DDX20: variants seen among roughly 807,000 people sequenced by gnomAD.
DDX20 encodes DEAD-box helicase 20, also known as probable ATP-dependent RNA helicase DDX20.
Under a neutral mutation model 76.4 loss-of-function variants are expected in DDX20, and 61 were observed. That is an observed-to-expected ratio of 0.80 (90% CI 0.65 to 0.99). The LOEUF (loss-of-function observed/expected upper bound fraction) is 0.99. Among genes scored for constraint, DDX20 ranks in the 50% least tolerant of loss-of-function variants. The pLI, the probability that DDX20 is intolerant of heterozygous loss-of-function variation, is 0.00. For missense variants in DDX20, 976 were observed against 996.8 expected (o/e 0.98, Z 0.28); for synonymous variants, 357 against 357.4 (o/e 1.00, Z 0.01).
chr1:111,760,131 T>C (rs1212116663), intron 3 of DDX20, among the ~76,000 whole-genome samples: 4 of 152,204 alleles, frequency 2.6e-5, no homozygotes, highest in Non-Finnish European at 5.9e-5. Flanking sequence ...GCAGTGACTT[T>C]CAGGAGGCCC....
In DDX20 at chr1:111,756,686, T is replaced by C. The variant is rs1438288121; in HGVS notation, c.342T>C (p.Cys114=). 2 of 1,614,092 alleles carry C rather than the reference T, an allele frequency of 1.2e-6. No individual in the cohort carries two copies. Among genetic ancestry groups the C allele is most frequent in the African/African-American group, 2.7e-5 (2 of 74,946 alleles). ...CTAAATCTGGCACCGGGAAAACCTG[T>C]GTGTTCTCCACCATAGCTTTGGACT... ...VQAKSGTGKT[C]VFSTIALDSL... is the part of the protein sequence containing the mutation. Residue 114 remains cysteine, a synonymous_variant, in exon 2 of 11, where the codon TGT becomes TGC. Transcript: ENST00000369702.
rs572288975 is a variant in DDX20, at chr1:111,766,278, C to T, written c.1854C>T (p.Gly618=). The change falls in exon 11 of 11, where the codon GGC becomes GGT. Residue 618 remains glycine (G), a synonymous_variant. Transcript: ENST00000369702. Reference sequence around the variant, plus strand: ...TGGAAATCATCAGGCACTACACAGGCCCTGGGGATCAGACTGTGAATCCTC... The same window carrying T: ...TGGAAATCATCAGGCACTACACAGGTCCTGGGGATCAGACTGTGAATCCTC... The part of the protein sequence containing the change: ...KPVEIIRHYT[G]PGDQTVNPQN... 13 of 1,614,112 alleles carry T rather than the reference C, an allele frequency of 8.1e-6. No individual in the cohort carries two copies. The highest frequency in any genetic ancestry group is 6.7e-5 in the African/African-American group (5 of 75,034).
rs1181481177 is a variant in DDX20, at chr1:111,761,278, A to G, written c.1015A>G (p.Ile339Val). 6.2e-7 allele frequency: 1 copy of G among 1,612,778 alleles called. No homozygotes were observed. Among genetic ancestry groups the G allele is most frequent in the Non-Finnish European group, 8.5e-7 (1 of 1,179,294 alleles). Residue 339 changes from isoleucine (I) to valine (V), a missense_variant, in exon 7 of 11, where the codon ATT becomes GTT. Physicochemically the swap from Ile to Val is conservative, Grantham distance 29. Around this residue, in one of 3 missense-constraint regions of DDX20, gnomAD observed 630 missense variants for 693.7 expected, o/e 0.91. Coordinates refer to ENST00000369702, the MANE Select transcript of DDX20 (RefSeq NM_007204.5). ...TTCTAAAGGCTTTCCTGCTGAGTGC[A>G]TTTCAGGTAAGTTCATCTCTTACTT... ...LSSKGFPAECISGNMNQNQRL... is the reference protein window; with the variant it reads ...LSSKGFPAECVSGNMNQNQRL...
chr1:111,762,819 A>G lies in DDX20; in HGVS notation c.1210+37A>G, dbSNP rs1188587337. ...AAAAAAAGTTTGAGTGCTTTCTTTAAGGGGAGGGATCTATAATGTGACAGG... is the reference window on the plus strand; with the variant it reads ...AAAAAAAGTTTGAGTGCTTTCTTTAGGGGGAGGGATCTATAATGTGACAGG... On this transcript the variant is annotated intron_variant, in intron 9 of 10. Transcript: ENST00000369702. The G allele has an allele frequency of 3.8e-6, 6 of 1,586,002 alleles. No individual in the cohort carries two copies. The Admixed American group carries it at 1.0e-4, about 27-fold the overall frequency.
intron 2 of DDX20, among the ~76,000 whole-genome samples, chr1:111,758,709 C>T (rs1663614103): frequency 6.6e-6 from 1 of 152,100 alleles, no homozygotes; most frequent in African/African-American, 2.4e-5. Context: ...GTTTCATGAT[C>T]ACCTCATTTA....
chr1:111,766,946 C>A lies in DDX20; in HGVS notation c.*47C>A. On this transcript the variant is annotated 3_prime_UTR_variant, in exon 11 of 11. Coordinates refer to ENST00000369702, the MANE Select transcript of DDX20 (RefSeq NM_007204.5). ...ATCAGGAACTGTCAACAAATGATACCTTTGGATATCCATCCTCCTCGACTT... is the reference window on the plus strand; with the variant it reads ...ATCAGGAACTGTCAACAAATGATACATTTGGATATCCATCCTCCTCGACTT... The A allele has an allele frequency of 7.0e-7, 1 of 1,435,342 alleles. No individual in the cohort carries two copies. Among genetic ancestry groups the A allele is most frequent in the South Asian group, 1.2e-5 (1 of 81,526 alleles). The allele number at this position is 1,435,342 out of a possible 1,614,324, so 88.9% of individuals were successfully genotyped here. A position where few individuals can be genotyped will look rare whatever the true frequency, so the allele number is the denominator to read the frequency against.
Position 111,756,046 on chromosome 1 carries a change from G to A in DDX20, c.122G>A (p.Arg41Gln). 1 of 1,609,330 alleles carries A rather than the reference G, an allele frequency of 6.2e-7. No individual in the cohort carries two copies. The highest frequency in any genetic ancestry group is 8.5e-7 in the Non-Finnish European group (1 of 1,179,010). The change falls in exon 1 of 11, where the codon CGG becomes CAG. Residue 41 changes from arginine (R) to glutamine (Q), a missense_variant. Physicochemically the swap from Arg to Gln is conservative, Grantham distance 43 (BLOSUM62 1). Coordinates refer to ENST00000369702, the MANE Select transcript of DDX20 (RefSeq NM_007204.5). ...ACACCCGGGCCTGTGAGGATCCTGC[G>A]GACCGCTCAGGATCTCAGCAGCCCG... ...EPTPGPVRILRTAQDLSSPRT... is the reference protein window; with the variant it reads ...EPTPGPVRILQTAQDLSSPRT...
intron 2 of DDX20, among the ~76,000 whole-genome samples, chr1:111,758,462 C>T (rs1198822841): frequency 3.3e-5 from 5 of 149,820 alleles, no homozygotes; most frequent in Non-Finnish European, 7.4e-5. Context: ...TACCATGACT[C>T]TCAAGGTCTT....
In DDX20 at chr1:111,765,869, C is replaced by A; in HGVS notation, c.1445C>A (p.Thr482Asn). The change falls in exon 11 of 11, where the codon ACC becomes AAC. Residue 482 changes from threonine to asparagine, a missense_variant. By Grantham distance (65) the Thr-to-Asn change is moderately conservative. This residue lies in a region of DDX20 where 630 missense variants were observed against 693.7 expected (regional missense o/e 0.91). Coordinates refer to ENST00000369702, the MANE Select transcript of DDX20 (RefSeq NM_007204.5). ...AAGCAAATTCAGAAAATAGAGAGAA[C>A]CCTTCAAATTCAGAAAGCTCATGGT... is the stretch of plus-strand genomic sequence containing the variant. Reference protein sequence around the residue: ...LKKQIQKIERTLQIQKAHGDH... With the variant: ...LKKQIQKIERNLQIQKAHGDH... 6.2e-7 allele frequency: 1 copy of A among 1,614,092 alleles called. No individual in the cohort carries two copies. Among genetic ancestry groups the A allele is most frequent in the Non-Finnish European group, 8.5e-7 (1 of 1,180,016 alleles).
intron 3 of DDX20, among the ~76,000 whole-genome samples, chr1:111,760,132 C>A (rs1254207560): frequency 2.0e-5 from 3 of 152,276 alleles, no homozygotes; most frequent in Non-Finnish European, 2.9e-5. Context: ...CAGTGACTTT[C>A]AGGAGGCCCT....
rs780089132 is a variant in DDX20, at chr1:111,761,322, C to G, written c.1021+38C>G. 3.2e-6 allele frequency: 5 copies of G among 1,572,204 alleles called. No individual in the cohort carries two copies. In the Admixed American group the frequency reaches 5.2e-5, roughly 16 times the overall value. ...CTTACTTTAATCTTTATTTAGTATA[C>G]TGACTTGAAGCCTCCAAAGTCAGGA... On this transcript the variant is annotated intron_variant, in intron 7 of 10. Transcript: ENST00000369702.
Position 111,760,815 on chromosome 1 carries a change from G to A in DDX20, c.790G>A (p.Val264Ile). The A allele has an allele frequency of 1.9e-6, 3 of 1,613,352 alleles. No homozygotes were observed. Among genetic ancestry groups the A allele is most frequent in the Non-Finnish European group, 2.5e-6 (3 of 1,179,810 alleles). The change falls in exon 5 of 11, where the codon GTA becomes ATA. Residue 264 changes from valine to isoleucine, a missense_variant. By Grantham distance (29) the Val-to-Ile change is conservative (BLOSUM62 3). Transcript: ENST00000369702. ...AAAGTACATGAGAGATCCCACTTTTGTAAGACTGAATTCCAGTGATCCAAG... is the reference window on the plus strand; with the variant it reads ...AAAGTACATGAGAGATCCCACTTTTATAAGACTGAATTCCAGTGATCCAAG... ...LTKYMRDPTF[V>I]RLNSSDPSLI...
chr1:111,757,317 C>T (rs1018999946), intron 2 of DDX20, among the ~76,000 whole-genome samples: 2 of 152,182 alleles, frequency 1.3e-5, no homozygotes, highest in Admixed American at 1.3e-4. Context: ...TCCCAAAGTA[C>T]TGGGATTACA....
chr1:111,761,255 C>G lies in DDX20; in HGVS notation c.992C>G (p.Ser331Cys), dbSNP rs763002043. The G allele has an allele frequency of 1.2e-6, 2 of 1,613,354 alleles. No individual in the cohort carries two copies. Among genetic ancestry groups the G allele is most frequent in the South Asian group, 2.2e-5 (2 of 90,974 alleles). ...CAACATTTGGCTGATATCCTTTCTT[C>G]TAAAGGCTTTCCTGCTGAGTGCATT... Reference protein sequence around the residue: ...RAQHLADILSSKGFPAECISG... With the variant: ...RAQHLADILSCKGFPAECISG... The change falls in exon 7 of 11, where the codon TCT becomes TGT. Residue 331 changes from serine to cysteine, a missense_variant. By Grantham distance (112) the Ser-to-Cys change is moderately radical. Coordinates refer to ENST00000369702, the MANE Select transcript of DDX20 (RefSeq NM_007204.5).
Position 111,756,731 on chromosome 1 carries a change from A to C in DDX20, c.387A>C (p.Leu129Phe), listed in dbSNP as rs1360255567. 6.2e-7 allele frequency: 1 copy of C among 1,613,826 alleles called. No individual in the cohort carries two copies. The highest frequency in any genetic ancestry group is 8.5e-7 in the Non-Finnish European group (1 of 1,179,836). ...IALDSLVLENLSTQILILAPT... is the reference protein window; with the variant it reads ...IALDSLVLENFSTQILILAPT... ...TGGACTCTCTTGTTCTTGAAAACTT[A>C]AGTACCCAGGTGAGTTAGCTGAGAG... is the stretch of plus-strand genomic sequence containing the variant. Residue 129 changes from leucine (L) to phenylalanine (F), a missense_variant, in exon 2 of 11, where the codon TTA becomes TTC. This residue lies in a region of DDX20 where 343 missense variants were observed against 286.4 expected (regional missense o/e 1.20). Coordinates refer to ENST00000369702, the MANE Select transcript of DDX20 (RefSeq NM_007204.5).
chr1:111,756,097 TGGC>T lies in DDX20; in HGVS notation c.176_178del (p.Ala59del). 1.6e-5 allele frequency: 26 copies of T among 1,601,732 alleles called. No homozygotes were observed. Among genetic ancestry groups the T allele is most frequent in the Non-Finnish European group, 2.2e-5 (26 of 1,178,954 alleles). On this transcript the variant is annotated inframe_deletion, in exon 1 of 11. Transcript: ENST00000369702. ...CGGACCCGCACGGGGGATGTGCTGT[TGGC>T]GGAGCCGGCCGACTTCGAGTCACTG...
Position 111,765,637 on chromosome 1 carries a change from T to C in DDX20, c.1313-100T>C. Reference sequence around the variant, plus strand: ...CTTAGTATATTTGCATATTGTTTCTTAAATGTATTTGATCATAGAAAACTT... The same window carrying C: ...CTTAGTATATTTGCATATTGTTTCTCAAATGTATTTGATCATAGAAAACTT... On this transcript the variant is annotated intron_variant, in intron 10 of 10. Transcript: ENST00000369702. 8 of 1,013,414 alleles carry C rather than the reference T, an allele frequency of 7.9e-6. No homozygotes were observed. The South Asian group carries it at 1.4e-4, about 18-fold the overall frequency. 62.8% of individuals were successfully genotyped at this position (1,013,414 alleles called of 1,614,324 possible).
At chr1:111,765,487 T>C (rs1410837941) in intron 10 of DDX20, among the ~76,000 whole-genome samples, 1 of 152,210 alleles carries the variant, frequency 6.6e-6, no homozygotes, top group East Asian at 1.9e-4. Context: ...GAGTAAGCTC[T>C]TTTTCTAGTG....
chr1:111,764,236 T>G (rs1281079163), intron 10 of DDX20, among the ~76,000 whole-genome samples: 1 of 150,454 alleles, frequency 6.6e-6, no homozygotes, highest in Non-Finnish European at 1.5e-5. Flanking sequence ...TGAGCCAAGA[T>G]CCGCCATTGC....
Sources: allele counts gnomAD v4.1 joint callset (sites outside exome capture counted in the v4.1 genomes callset), GRCh38; gene constraint gnomAD v4.1.1; regional missense constraint gnomAD v4.1.1; transcripts MANE v1.5; gene names NCBI Gene and HGNC (gene_info 2026-07-23, HGNC 2026-07-21).